The following LOC400499 variants were observed in gnomAD, a reference collection of about 807,000 sequenced individuals.
the LOC400499 span, chr16:11,477,844 A>G: frequency 2.5e-6 from 1 of 399,004 alleles, no homozygotes. Flanking sequence ...AACCATTCAC[A>G]GAGAAATCCG....
the LOC400499 span, chr16:11,384,895 CCAGAGGCCCAGAGTCAGGCTG>C: frequency 8.1e-7 from 1 of 1,232,096 alleles, no homozygotes; most frequent in Non-Finnish European, 1.0e-6. Flanking sequence ...CACCGTGCTG[CCAGAGGCCCAGAGTCAGGCTG>C]CAGAGGCCGG....
the LOC400499 span, among the ~76,000 whole-genome samples, chr16:11,379,914 C>T: frequency 6.6e-6 from 1 of 152,140 alleles, no homozygotes; most frequent in African/African-American, 2.4e-5. Context: ...ACAAATACCC[C>T]ACTCTTTGAC....
chr16:11,391,726 G>C, the LOC400499 span: 1 of 1,232,294 alleles, frequency 8.1e-7, no homozygotes, highest in East Asian at 3.2e-5. Context: ...TAAAGAGGCA[G>C]GTGCTGGGTC....
the LOC400499 span, among the ~76,000 whole-genome samples, chr16:11,487,079 G>T: frequency 1.3e-5 from 2 of 151,982 alleles, no homozygotes; most frequent in Non-Finnish European, 2.9e-5. Context: ...AGTGATGGAG[G>T]CATGTAGGTG....
chr16:11,448,799 A>G, the LOC400499 span: 1 of 713,108 alleles, frequency 1.4e-6, no homozygotes, highest in Non-Finnish European at 2.1e-6. Flanking sequence ...CAGGAGGCCC[A>G]AGGTCACAGG....
At chr16:11,457,332 G>T in the LOC400499 span, among the ~76,000 whole-genome samples, 10 of 152,090 alleles carry the variant, frequency 6.6e-5, no homozygotes, top group Non-Finnish European at 1.5e-4. Context: ...GGTGGCTCAC[G>T]CCTGTAATCC....
At chr16:11,479,257 C>A in the LOC400499 span, among the ~76,000 whole-genome samples, 1 of 152,100 alleles carries the variant, frequency 6.6e-6, no homozygotes, top group Non-Finnish European at 1.5e-5. Flanking sequence ...GTGCCCAATG[C>A]TGAGAGACTG....
At chr16:11,519,939 G>A in the LOC400499 span, among the ~76,000 whole-genome samples, 1 of 152,194 alleles carries the variant, frequency 6.6e-6, no homozygotes, top group South Asian at 2.1e-4. Flanking sequence ...CAGACCTCAG[G>A]TGATCCACCC....
chr16:11,427,140 C>A, the LOC400499 span, among the ~76,000 whole-genome samples: 1 of 151,266 alleles, frequency 6.6e-6, no homozygotes, highest in Non-Finnish European at 1.5e-5. Context: ...GGTGGGTCAC[C>A]TGAGCTCAGG....
the LOC400499 span, chr16:11,457,237 G>A: frequency 4.5e-5 from 25 of 553,726 alleles, no homozygotes; most frequent in East Asian, 2.2e-4. Flanking sequence ...ATTCTCATAC[G>A]CTGATGGTGG....
At chr16:11,423,098 CCT>C in the LOC400499 span, 1 of 399,070 alleles carries the variant, frequency 2.5e-6, no homozygotes, top group African/African-American at 2.1e-5. Flanking sequence ...TCAGACGGCC[CCT>C]GTGATCAGGC....
the LOC400499 span, chr16:11,460,867 G>A: frequency 7.1e-7 from 1 of 1,398,752 alleles, no homozygotes; most frequent in Non-Finnish European, 9.4e-7. Flanking sequence ...AAACCCCGTG[G>A]TGACAGCGTA....
At chr16:11,500,346 G>A in the LOC400499 span, among the ~76,000 whole-genome samples, 1 of 151,776 alleles carries the variant, frequency 6.6e-6, no homozygotes, top group African/African-American at 2.4e-5. Flanking sequence ...CGTCTCTACT[G>A]AAAAAAATAC....
chr16:11,424,234 G>A, the LOC400499 span: 5 of 399,228 alleles, frequency 1.3e-5, no homozygotes, highest in South Asian at 6.4e-4. Context: ...ACGTCCTCCA[G>A]GCCAATGGCA....
the LOC400499 span, chr16:11,478,734 G>C: frequency 2.5e-6 from 1 of 398,838 alleles, no homozygotes; most frequent in Non-Finnish European, 4.4e-6. Flanking sequence ...AGGGTTAGCA[G>C]AGTGATATGG....
At chr16:11,391,571 C>T in the LOC400499 span, 1 of 1,070,580 alleles carries the variant, frequency 9.3e-7, no homozygotes. Context: ...CTGATTGAAA[C>T]AGTGCCACAG....
chr16:11,498,124 C>G, the LOC400499 span, among the ~76,000 whole-genome samples: 1 of 152,128 alleles, frequency 6.6e-6, no homozygotes, highest in Non-Finnish European at 1.5e-5. Context: ...AGATCAAACA[C>G]CAGCTACAAA....
the LOC400499 span, among the ~76,000 whole-genome samples, chr16:11,397,118 G>A: frequency 5.9e-5 from 9 of 152,182 alleles, no homozygotes; most frequent in Non-Finnish European, 4.4e-5. Context: ...CCACCCAGGA[G>A]GCCGGCACCT....
the LOC400499 span, among the ~76,000 whole-genome samples, chr16:11,423,723 G>A: frequency 3.9e-5 from 6 of 152,222 alleles, no homozygotes; most frequent in Non-Finnish European, 1.5e-5. Context: ...ACAATAAAGA[G>A]GACAGCTGCG....
Sources: gnomAD v4.1 joint callset for allele counts (sites outside exome capture counted in the v4.1 genomes callset) on GRCh38, gnomAD v4.1.1 for gene constraint, MANE v1.5 for transcripts.